Variants in ANK1 observed in about 807,000 individuals in gnomAD.
ANK1 encodes the protein ankyrin 1, also known as ankyrin-1.
A neutral mutation model predicts 210.4 loss-of-function variants in ANK1; 51 were observed. The ratio of observed to expected loss-of-function variants is 0.24; its 90% CI spans 0.19 to 0.31. ANK1 has a LOEUF of 0.31. Among genes scored for constraint, ANK1 ranks in the 10% least tolerant of loss-of-function variants. The pLI, the probability that ANK1 is intolerant of heterozygous loss-of-function variation, is 1.00. For synonymous variants in ANK1, 967 were observed against 1,025.9 expected, an observed-to-expected ratio of 0.94 and a Z score of 1.10; for missense variants, 2,051 against 2,504.4, an observed-to-expected ratio of 0.82 and a Z score of 3.86.
chr8:41,705,034 G>T (rs76081750), intron 18 of ANK1, among the ~76,000 whole-genome samples: 5,418 of 152,318 alleles, frequency 0.036, 174 homozygotes, highest in African/African-American at 0.089. Context: ...AGTGACTGTG[G>T]TGTAATGGAA....
At chr8:41,830,941 C>A (rs1248857640) in intron 1 of ANK1, among the ~76,000 whole-genome samples, 4 of 152,166 alleles carry the variant, frequency 2.6e-5, no homozygotes, top group African/African-American at 7.2e-5. Context: ...GTCACCTCAC[C>A]AAATGGATTA....
intron 1 of ANK1, among the ~76,000 whole-genome samples, chr8:41,787,223 G>C (rs1846600051): frequency 6.6e-6 from 1 of 152,220 alleles, no homozygotes; most frequent in Admixed American, 6.5e-5. Flanking sequence ...GGAGGCCAGT[G>C]GAGACGAGCA....
chr8:41,718,831 G>A (rs1828454150), intron 10 of ANK1, among the ~76,000 whole-genome samples: 1 of 152,154 alleles, frequency 6.6e-6, no homozygotes, highest in South Asian at 2.1e-4. Context: ...TGCTTAGTGG[G>A]TAGAGGCCAG....
intron 20 of ANK1, among the ~76,000 whole-genome samples, chr8:41,703,607 CCAA>C (rs1201178675): frequency 6.6e-6 from 1 of 150,946 alleles, no homozygotes; most frequent in African/African-American, 2.4e-5. Flanking sequence ...CTTCAGCCTC[CCAA>C]TTAGCTGGGA....
rs541510791 is a variant in ANK1, at chr8:41,805,066, G to C, written c.127-46929C>G. ...TAGAGCTGTTTCTTTCTTTCTCTCTGTGTGTGTGTGTGTGTGTCGTGTGTG... is the reference window on the plus strand; with the variant it reads ...TAGAGCTGTTTCTTTCTTTCTCTCTCTGTGTGTGTGTGTGTGTCGTGTGTG... On this transcript the variant is annotated intron_variant, in intron 1 of 42. Transcript: ENST00000265709. Among the ~76,000 whole-genome samples, 788 of 149,486 alleles carry C rather than the reference G, an allele frequency of 5.3e-3. 7 individuals carry two copies. The highest frequency in any genetic ancestry group is 0.017 in the African/African-American group (697 of 40,828).
intron 39 of ANK1, chr8:41,664,815 A>T (rs760814595): frequency 6.2e-7 from 1 of 1,606,716 alleles, no homozygotes; most frequent in East Asian, 2.2e-5. Flanking sequence ...CTTCAGGAAG[A>T]CCCGCCGCCG....
chr8:41,726,672 C>A (rs1228468531), intron 5 of ANK1, among the ~76,000 whole-genome samples: 1 of 152,198 alleles, frequency 6.6e-6, no homozygotes, highest in Non-Finnish European at 1.5e-5. Flanking sequence ...TAGGCATGAG[C>A]CACTGCGCTT....
chr8:41,809,713 G>A (rs540905395), intron 1 of ANK1, among the ~76,000 whole-genome samples: 26 of 152,284 alleles, frequency 1.7e-4, no homozygotes, highest in African/African-American at 5.3e-4. Flanking sequence ...GCTGTAGTGA[G>A]CTATGATCGT....
At chr8:41,836,331 C>T (rs1165091107) in intron 1 of ANK1, among the ~76,000 whole-genome samples, 3 of 152,278 alleles carry the variant, frequency 2.0e-5, no homozygotes, top group Non-Finnish European at 4.4e-5. Flanking sequence ...TCATTCGTCA[C>T]ATACATTCAT....
chr8:41,700,694 A>G (rs1822518392), intron 22 of ANK1, among the ~76,000 whole-genome samples: 1 of 152,186 alleles, frequency 6.6e-6, no homozygotes, highest in African/African-American at 2.4e-5. Context: ...GTGATGAAAT[A>G]AGGTTTGCTG....
At chr8:41,735,632 T>G (rs191783806) in intron 2 of ANK1, among the ~76,000 whole-genome samples, 26 of 152,322 alleles carry the variant, frequency 1.7e-4, no homozygotes, top group Non-Finnish European at 5.9e-5. Context: ...TCTCCCATTG[T>G]GTCAGGGCAT....
intron 1 of ANK1, chr8:41,828,444 G>A (rs1805918211): frequency 6.5e-6 from 1 of 154,222 alleles, no homozygotes; most frequent in Admixed American, 6.5e-5. Context: ...ACGTGATGGC[G>A]GGCACTGAAT....
chr8:41,856,874 CTTTTTTTTTTTT>C (rs35341809), intron 1 of ANK1, among the ~76,000 whole-genome samples: 1 of 95,250 alleles, frequency 1.0e-5, no homozygotes, highest in Admixed American at 1.3e-4. Flanking sequence ...TAACAGCCCT[CTTTTTTTTTTTT>C]TTTTTTTTTT....
intron 2 of ANK1, among the ~76,000 whole-genome samples, chr8:41,756,596 C>T (rs2042271343): frequency 6.6e-6 from 1 of 152,142 alleles, no homozygotes; most frequent in Non-Finnish European, 1.5e-5. Flanking sequence ...GCATGCACCA[C>T]CATGCCCGGC....
Position 41,885,706 on chromosome 8 carries a change from G to C in ANK1, c.126+10649C>G, listed in dbSNP as rs538602238. On this transcript the variant is annotated intron_variant, in intron 1 of 42. Transcript: ENST00000265709. ...GGAAACAGTCTCCTCTCCAGAGTGT[G>C]GTCAATGGTAGCAACCAAAGCAGCT... 4.6e-5 allele frequency among the ~76,000 whole-genome samples: 7 copies of C among 152,262 alleles called. No homozygotes were observed. In the East Asian group the frequency reaches 9.6e-4, roughly 21 times the overall value.
rs1461639941 is a variant in ANK1, at chr8:41,758,146, A to G, written c.28-9T>C. 1.2e-6 allele frequency: 2 copies of G among 1,612,138 alleles called. No homozygotes were observed. The highest frequency in any genetic ancestry group is 2.2e-5 in the East Asian group (1 of 44,862). On this transcript the variant is annotated splice_polypyrimidine_tract_variant and intron_variant, in intron 1 of 42. Coordinates refer to ENST00000289734, the MANE Select transcript of ANK1 (RefSeq NM_000037.4). ...CTGGTAGCAGCATCGGCCTGTGAGG[A>G]AAAACAACAGGCGGTGAGTGTCCTG...
chr8:41,715,062 G>C lies in ANK1; in HGVS notation c.1615C>G (p.Pro539Ala). Residue 539 changes from proline to alanine, a missense_variant, in exon 15 of 43, where the codon CCT (proline) becomes GCT (alanine). By Grantham distance (27) the Pro-to-Ala change is conservative. Around this residue, in one of 6 missense-constraint regions of ANK1, gnomAD observed 1,413 missense variants for 1,707.4 expected, o/e 0.83. Transcript: ENST00000289734. ...CCGTACTTGGCCGCCACGTGCAGAG[G>C]GGTAAATCCTTTCTGAGGAGAAACA... is the stretch of plus-strand genomic sequence containing the variant. ...QACMTKKGFTPLHVAAKYGKV... is the reference protein window; with the variant it reads ...QACMTKKGFTALHVAAKYGKV... The C allele has an allele frequency of 6.2e-7, 1 of 1,614,152 alleles. No individual in the cohort carries two copies. Among genetic ancestry groups the C allele is most frequent in the Non-Finnish European group, 8.5e-7 (1 of 1,180,024 alleles).
At chr8:41,803,852 T>C (rs1850538718) in intron 1 of ANK1, among the ~76,000 whole-genome samples, 1 of 152,164 alleles carries the variant, frequency 6.6e-6, no homozygotes, top group Non-Finnish European at 1.5e-5. Flanking sequence ...AAACTATCCT[T>C]CCATTTTTGG....
intron 1 of ANK1, among the ~76,000 whole-genome samples, chr8:41,879,271 G>A (rs1476151770): frequency 1.3e-5 from 2 of 152,010 alleles, no homozygotes; most frequent in Non-Finnish European, 1.5e-5. Context: ...CTCCTCGGGG[G>A]TTGCTGCCCT....
Sources: gnomAD v4.1 joint callset for allele counts (sites outside exome capture counted in the v4.1 genomes callset) on GRCh38, gnomAD v4.1.1 for gene constraint, gnomAD v4.1.1 regional missense constraint, MANE v1.5 for transcripts, NCBI Gene and HGNC (gene_info 2026-07-23, HGNC 2026-07-21) for gene names.